The following KIF26A variants were observed in gnomAD, a reference collection of about 807,000 sequenced individuals.
KIF26A encodes kinesin family member 26A.
A neutral mutation model predicts 126.0 loss-of-function variants in KIF26A; 74 were observed. The ratio of observed to expected loss-of-function variants is 0.59; its 90% confidence interval spans 0.49 to 0.71. KIF26A has a LOEUF of 0.71. Among genes scored for constraint, KIF26A ranks in the 30% least tolerant of loss-of-function variants. The probability of loss-of-function intolerance (pLI) is 0.00; values close to 1 mark genes in which losing one functional copy is unlikely to be tolerated. For synonymous variants in KIF26A, 1,445 were observed against 1,232.7 expected, an observed-to-expected ratio of 1.17 and a Z score of -3.61; for missense variants, 2,984 against 2,763.3, an observed-to-expected ratio of 1.08 and a Z score of -1.79.
At chr14:104,154,062 T>G (rs2037755088) in intron 3 of KIF26A, among the ~76,000 whole-genome samples, 2 of 152,238 alleles carry the variant, frequency 1.3e-5, no homozygotes, top group South Asian at 4.1e-4. Context: ...AGGATTCAGA[T>G]GAGGTAATTT....
intron 2 of KIF26A, among the ~76,000 whole-genome samples, chr14:104,141,771 G>A (rs2037639935): frequency 6.6e-6 from 1 of 152,172 alleles, no homozygotes; most frequent in Admixed American, 6.5e-5. Flanking sequence ...AACACCCGAT[G>A]CCTGCATGGT....
At chr14:104,159,969 C>A (rs1483139643) in intron 4 of KIF26A, among the ~76,000 whole-genome samples, 2 of 152,078 alleles carry the variant, frequency 1.3e-5, no homozygotes, top group Admixed American at 6.5e-5. Context: ...GAGCTTCAGC[C>A]CCCGCCCCAG....
In KIF26A at chr14:104,175,856, C is replaced by T. The variant is rs1473066974; in HGVS notation, c.3068C>T (p.Pro1023Leu). The T allele has an allele frequency of 6.5e-7, 1 of 1,539,308 alleles. No homozygotes were observed. Among genetic ancestry groups the T allele is most frequent in the South Asian group, 1.2e-5 (1 of 84,182 alleles). ...LLTTTVTLQR[P>L]VELNGEDELV... ...ACCACCACAGTGACCCTGCAGCGGC[C>T]AGTGGAGCTCAACGGCGAGGACGAG... is the stretch of plus-strand genomic sequence containing the variant. Residue 1023 changes from proline to leucine, a missense_variant, in exon 12 of 15, where the codon CCA (proline) becomes CTA (leucine). By Grantham distance (98) the Pro-to-Leu change is moderately conservative. Coordinates refer to ENST00000423312, the MANE Select transcript of KIF26A (RefSeq NM_015656.2).
chr14:104,139,092 C>T lies in KIF26A; in HGVS notation c.92C>T (p.Ser31Phe), dbSNP rs952487027. Residue 31 changes from serine to phenylalanine, a missense_variant, in exon 2 of 15, where the codon TCC (serine) becomes TTC (phenylalanine). Coordinates refer to ENST00000423312, the MANE Select transcript of KIF26A (RefSeq NM_015656.2). ...GAGCCGCCGCCGCTGCTGGAGGTGTCCCCCCGAAAGAGGCTACCCGCCGGG... is the reference window on the plus strand; with the variant it reads ...GAGCCGCCGCCGCTGCTGGAGGTGTTCCCCCGAAAGAGGCTACCCGCCGGG... Reference protein sequence around the residue: ...AREPPPLLEVSPRKRLPAGPD... With the variant: ...AREPPPLLEVFPRKRLPAGPD... 3.4e-6 allele frequency: 5 copies of T among 1,454,998 alleles called. No homozygotes were observed. Among genetic ancestry groups the T allele is most frequent in the Non-Finnish European group, 3.6e-6 (4 of 1,106,814 alleles). 90.1% of individuals were successfully genotyped at this position (1,454,998 alleles called of 1,614,324 possible). A position where few individuals can be genotyped will look rare whatever the true frequency, so the allele number is the denominator to read the frequency against.
In KIF26A at chr14:104,171,815, G is replaced by C. The variant is rs1206885508; in HGVS notation, c.1206G>C (p.Gln402His). 1.9e-6 allele frequency: 3 copies of C among 1,566,554 alleles called. No homozygotes were observed. The highest frequency in any genetic ancestry group is 1.4e-5 in the African/African-American group (1 of 73,840). The stretch of plus-strand genomic sequence containing the variant: ...TGAAGGTGGACCCTCGGAAGAAGCA[G>C]GTGATCCTCTACGATCCCGCCGCCG... Reference protein sequence around the residue: ...SFLKVDPRKKQVILYDPAAGP... With the variant: ...SFLKVDPRKKHVILYDPAAGP... The change falls in exon 6 of 15, where the codon CAG becomes CAC. Residue 402 changes from glutamine (Q) to histidine (H), a missense_variant. Coordinates refer to ENST00000423312, the MANE Select transcript of KIF26A (RefSeq NM_015656.2).
chr14:104,146,775 G>C (rs2037684141), intron 2 of KIF26A, among the ~76,000 whole-genome samples: 1 of 152,182 alleles, frequency 6.6e-6, no homozygotes, highest in Admixed American at 6.5e-5. Context: ...GTCTCCAAGG[G>C]GTGGGCATGT....
chr14:104,180,042 C>T lies in KIF26A; in HGVS notation c.*252C>T. On this transcript the variant is annotated 3_prime_UTR_variant, in exon 15 of 15. Coordinates refer to ENST00000423312, the MANE Select transcript of KIF26A (RefSeq NM_015656.2). ...CAAGTGCCTTTGACCTTGATTTGGA[C>T]TTTTCTCCCTTTTGCATTTGGTGCT... The T allele has an allele frequency of 4.7e-6, 2 of 421,382 alleles. No individual in the cohort carries two copies. Among genetic ancestry groups the T allele is most frequent in the Non-Finnish European group, 8.4e-6 (2 of 239,464 alleles). The allele number at this position is 421,382 out of a possible 1,614,324, so 26.1% of individuals were successfully genotyped here.
chr14:104,173,510 G>A lies in KIF26A; in HGVS notation c.1864G>A (p.Gly622Arg). The change falls in exon 9 of 15, where the codon GGA (glycine) becomes AGA (arginine). Residue 622 changes from glycine (G) to arginine (R), a missense_variant. Physicochemically the swap from Gly to Arg is moderately radical, Grantham distance 125. Coordinates refer to ENST00000423312, the MANE Select transcript of KIF26A (RefSeq NM_015656.2). The part of the protein sequence containing the change: ...QYRMEKCGRG[G>R]MSGGRSRLHL... ...CCGCATGGAGAAGTGCGGCCGGGGA[G>A]GAAGTAGGTGCCACACCCGCACTCC... 6.4e-7 allele frequency: 1 copy of A among 1,556,288 alleles called. No homozygotes were observed. Among genetic ancestry groups the A allele is most frequent in the Non-Finnish European group, 8.7e-7 (1 of 1,147,284 alleles).
At chr14:104,172,766 G>GATGGGAAAGGA (rs1443188798) in intron 7 of KIF26A, 98 bp downstream of exon 7, 151 of 1,124,674 alleles carry the variant, frequency 1.3e-4, no homozygotes, top group Admixed American at 1.4e-4. Context: ...AAAGGAGGCT[G>GATGGGAAAGGA]GTCCTACACA....
rs1219428970 is a variant in KIF26A, at chr14:104,152,363, G to A, written c.637G>A (p.Gly213Arg). The A allele has an allele frequency of 1.3e-6, 2 of 1,590,684 alleles. No individual in the cohort carries two copies. Among genetic ancestry groups the A allele is most frequent in the Non-Finnish European group, 1.7e-6 (2 of 1,170,150 alleles). The change falls in exon 3 of 15, where the codon GGA becomes AGA. Residue 213 changes from glycine to arginine, a missense_variant. Coordinates refer to ENST00000423312, the MANE Select transcript of KIF26A (RefSeq NM_015656.2). This position sits in a 1 kb window ranked among gnomAD's most constrained non-coding sequence, Gnocchi z 5.9. ...GGTGTCTGTAGCACCTGCGGGTCTT[G>A]GAGGGGCGCTGAGCACGGTCACCAT... ...VQVSVAPAGL[G>R]GALSTVTIQA...
At chr14:104,138,931 G>A in intron 1 of KIF26A, 112 bp from the exon 2 acceptor site, 9 of 1,288,382 alleles carry the variant, frequency 7.0e-6, no homozygotes, top group Non-Finnish European at 8.8e-6. Flanking sequence ...CCAGGGTCGT[G>A]CCCAGGGCTC....
intron 3 of KIF26A, among the ~76,000 whole-genome samples, chr14:104,154,290 G>A (rs2037756995): frequency 6.6e-6 from 1 of 152,218 alleles, no homozygotes; most frequent in Non-Finnish European, 1.5e-5. Flanking sequence ...ACGATGTGGA[G>A]AGGAGGGGCA....
rs144430843 is a variant in KIF26A, at chr14:104,150,572, A to G, written c.289-1443A>G. 5.1e-3 allele frequency among the ~76,000 whole-genome samples: 772 copies of G among 152,172 alleles called. 7 individuals are homozygous for G. The highest frequency in any genetic ancestry group is 0.018 in the African/African-American group (729 of 41,554). The stretch of plus-strand genomic sequence containing the variant: ...TCTGTGGACAAGGGCCCAGCCAGCC[A>G]AGGGCAGGCTCAAGGAATGTGGGTG... On this transcript the variant is annotated intron_variant, in intron 2 of 14. Coordinates refer to ENST00000423312, the MANE Select transcript of KIF26A (RefSeq NM_015656.2).
intron 5 of KIF26A, among the ~76,000 whole-genome samples, chr14:104,167,848 C>A (rs2037921724): frequency 6.6e-6 from 1 of 152,202 alleles, no homozygotes; most frequent in Non-Finnish European, 1.5e-5. Context: ...CCCGAAAGCA[C>A]TGCCTGGTGC....
At chr14:104,162,929 C>T (rs1382903375) in intron 4 of KIF26A, among the ~76,000 whole-genome samples, 1 of 152,186 alleles carries the variant, frequency 6.6e-6, no homozygotes. Context: ...CCCCCCGCCC[C>T]GCCCCAAGAA....
Position 104,175,100 on chromosome 14 carries a change from C to G in KIF26A, c.2312C>G (p.Pro771Arg), listed in dbSNP as rs749899803. Residue 771 changes from proline to arginine, a missense_variant, in exon 12 of 15, where the codon CCC (proline) becomes CGC (arginine). Transcript: ENST00000423312. The stretch of plus-strand genomic sequence containing the variant: ...GCCCTGGACCCCGACCGCACGCCTC[C>G]CTGCCTGCCCGGTGACCCCGATTAC... ...TVALDPDRTP[P>R]CLPGDPDYSS... The G allele has an allele frequency of 1.2e-6, 2 of 1,603,208 alleles. No individual in the cohort carries two copies. Among genetic ancestry groups the G allele is most frequent in the African/African-American group, 1.3e-5 (1 of 74,748 alleles).
intron 2 of KIF26A, among the ~76,000 whole-genome samples, chr14:104,142,196 G>A (rs767203345): frequency 3.1e-4 from 47 of 152,096 alleles, no homozygotes; most frequent in South Asian, 1.0e-3. Context: ...GTCTGGGGCC[G>A]TAGGGGAGGG....
Position 104,179,242 on chromosome 14 carries a change from G to A in KIF26A, c.5323G>A (p.Ala1775Thr), listed in dbSNP as rs1432909335. 1.7e-5 allele frequency: 25 copies of A among 1,496,086 alleles called. No homozygotes were observed. Among genetic ancestry groups the A allele is most frequent in the Non-Finnish European group, 2.1e-5 (24 of 1,128,140 alleles). 92.7% of individuals were successfully genotyped at this position (1,496,086 alleles called of 1,614,324 possible). A position where few individuals can be genotyped will look rare whatever the true frequency, so the allele number is the denominator to read the frequency against. ...CGCCCGCCCTGCCTCCCAGGGTCTG[G>A]CGTGCGTCAGTACAAGGCTGCGGCT... is the stretch of plus-strand genomic sequence containing the variant. ...TPREAPTQGL[A>T]CVSTRLRLAE... Residue 1775 changes from alanine to threonine, a missense_variant, in exon 14 of 15, where the codon GCG becomes ACG. Coordinates refer to ENST00000423312, the MANE Select transcript of KIF26A (RefSeq NM_015656.2).
At position 104,166,895 on chromosome 14, in the gene KIF26A, G is replaced by A. The variant is rs1360020126; in HGVS notation, c.960G>A (p.Lys320=). The A allele has an allele frequency of 5.7e-6, 9 of 1,586,524 alleles. No homozygotes were observed. Among genetic ancestry groups the A allele is most frequent in the Admixed American group, 1.8e-5 (1 of 56,840 alleles). Residue 320 remains lysine (K), a synonymous_variant, in exon 5 of 15, where the codon AAG becomes AAA. Transcript: ENST00000423312. ...MQKLSLASKR[K]KPHPPPPPAT... ...AGCTCAGCCTGGCCTCCAAGAGGAA[G>A]AAGCCCCACCCGCCACCGCCTCCAG...
Sources: gnomAD v4.1 joint callset for allele counts (sites outside exome capture counted in the v4.1 genomes callset) on GRCh38, gnomAD v4.1.1 for gene constraint, Gnocchi (gnomAD v3.1) non-coding constraint, MANE v1.5 for transcripts, NCBI Gene and HGNC (gene_info 2026-07-23, HGNC 2026-07-21) for gene names.